The following NELL2 variants were observed in gnomAD, a reference collection of about 807,000 sequenced individuals.
NELL2 encodes neural EGFL like 2.
In NELL2, 41 loss-of-function variants were observed where a neutral mutation model predicts 109.6. That is an observed-to-expected ratio of 0.37 (90% CI 0.29 to 0.49). NELL2 has a LOEUF of 0.49. Among genes scored for constraint, NELL2 ranks in the 20% least tolerant of loss-of-function variants. The probability of loss-of-function intolerance (pLI) is 0.98; values close to 1 mark genes in which losing one functional copy is unlikely to be tolerated. For synonymous variants in NELL2, 355 were observed against 344.7 expected (o/e 1.03, Z -0.33); for missense variants, 900 against 1,008.3 (o/e 0.89, Z 1.45).
chr12:44,767,206 C>T (rs1005648781), intron 9 of NELL2, among the ~76,000 whole-genome samples: 3 of 152,208 alleles, frequency 2.0e-5, no homozygotes, highest in South Asian at 2.1e-4. Flanking sequence ...TATGAGTGCA[C>T]CAGACAACAT....
At chr12:44,556,330 A>C (rs929585578) in intron 15 of NELL2, among the ~76,000 whole-genome samples, 12 of 152,142 alleles carry the variant, frequency 7.9e-5, no homozygotes, top group Non-Finnish European at 1.8e-4. Flanking sequence ...TTGAAATCTT[A>C]AGTGGGAAAA....
intron 1 of NELL2, chr12:44,913,783 A>T: frequency 1.2e-6 from 1 of 830,248 alleles, no homozygotes; most frequent in South Asian, 1.7e-5. Flanking sequence ...AATTAAAATG[A>T]TAAGAAAGAA....
At chr12:44,670,462 CACCTATTAATAAAA>C (rs1566125920) in intron 12 of NELL2, among the ~76,000 whole-genome samples, 1 of 151,688 alleles carries the variant, frequency 6.6e-6, no homozygotes, top group African/African-American at 2.4e-5. Flanking sequence ...CAGAAATCCC[CACCTATTAATAAAA>C]ACCTTGAAAG....
chr12:44,753,324 A>C (rs1026948613), intron 9 of NELL2, among the ~76,000 whole-genome samples: 11 of 152,186 alleles, frequency 7.2e-5, no homozygotes, highest in African/African-American at 2.6e-4. Context: ...TTCATTCCCT[A>C]CCTTGTCCCT....
Position 44,836,232 on chromosome 12 carries a change from C to T in NELL2, c.185-20096G>A, listed in dbSNP as rs528685815. 3.3e-5 allele frequency among the ~76,000 whole-genome samples: 5 copies of T among 152,338 alleles called. No individual in the cohort carries two copies. In the East Asian group the frequency reaches 9.6e-4, roughly 29 times the overall value. ...AGCACGGGGCTTTTCTTAGGAACAC[C>T]AGGAACCAGTCATTAGCACAGTGAA... On this transcript the variant is annotated intron_variant, in intron 2 of 19. Coordinates refer to ENST00000429094, the MANE Select transcript of NELL2 (RefSeq NM_001145108.2).
intron 15 of NELL2, among the ~76,000 whole-genome samples, chr12:44,558,462 C>G (rs1253281279): frequency 6.6e-6 from 1 of 152,132 alleles, no homozygotes; most frequent in Non-Finnish European, 1.5e-5. Flanking sequence ...AGGTACCTGG[C>G]TCATGTTATT....
At chr12:44,791,083 A>ATATATATATATATATG (rs1942375338) in intron 3 of NELL2, among the ~76,000 whole-genome samples, 5 of 8,370 alleles carry the variant, frequency 6.0e-4, no homozygotes, top group African/African-American at 1.6e-3. Flanking sequence ...ATATATATAC[A>ATATATATATATATATG]TATATATATA....
intron 15 of NELL2, among the ~76,000 whole-genome samples, chr12:44,575,582 C>T (rs542492795): frequency 6.6e-6 from 1 of 152,326 alleles, no homozygotes; most frequent in South Asian, 2.1e-4. Context: ...CTGCATTTTG[C>T]TGGATTAATG....
At chr12:44,863,352 T>C (rs539811164) in intron 2 of NELL2, among the ~76,000 whole-genome samples, 168 of 152,300 alleles carry the variant, frequency 1.1e-3, no homozygotes, top group South Asian at 3.9e-3. Flanking sequence ...GACTATATCA[T>C]GACATATTAT....
At chr12:44,790,145 A>T (rs992006613) in intron 3 of NELL2, among the ~76,000 whole-genome samples, 1 of 152,186 alleles carries the variant, frequency 6.6e-6, no homozygotes, top group African/African-American at 2.4e-5. Flanking sequence ...AATTCATCAT[A>T]AAAAGATCAT....
chr12:44,791,071 A>ATATATATG (rs1942368868), intron 3 of NELL2, among the ~76,000 whole-genome samples: 1 of 10,466 alleles, frequency 9.6e-5, no homozygotes, highest in Non-Finnish European at 2.6e-4. Flanking sequence ...TCAAGTATAT[A>ATATATATG]TATATATATA....
chr12:44,880,378 C>A (rs1013848697), upstream of NELL2, among the ~76,000 whole-genome samples: 1 of 151,880 alleles, frequency 6.6e-6, no homozygotes, highest in Non-Finnish European at 1.5e-5. Context: ...AAACCATTAG[C>A]TCTAATAAGC....
At chr12:44,759,381 G>GC (rs1196417957) in intron 9 of NELL2, among the ~76,000 whole-genome samples, 2 of 152,130 alleles carry the variant, frequency 1.3e-5, no homozygotes, top group African/African-American at 4.8e-5. Flanking sequence ...GAGTAAAGAG[G>GC]CTTTGCAAGT....
chr12:44,894,043 A>G (rs1288429873), intron 1 of NELL2, among the ~76,000 whole-genome samples: 1 of 152,228 alleles, frequency 6.6e-6, no homozygotes, highest in Non-Finnish European at 1.5e-5. Flanking sequence ...TCTAACAGGA[A>G]AAAAATAGAG....
upstream of NELL2, chr12:44,880,741 T>C (rs1218366804): frequency 6.6e-6 from 1 of 152,054 alleles, no homozygotes; most frequent in Non-Finnish European, 1.5e-5. Context: ...ATAAAGTATT[T>C]GAGGACTCTG....
At chr12:44,821,458 T>C (rs1943540911) in intron 2 of NELL2, among the ~76,000 whole-genome samples, 1 of 152,158 alleles carries the variant, frequency 6.6e-6, no homozygotes, top group Non-Finnish European at 1.5e-5. Context: ...TAAGATAACA[T>C]TTTTAGTTCT....
At chr12:44,741,575 G>A (rs750380250) in intron 9 of NELL2, among the ~76,000 whole-genome samples, 1 of 152,198 alleles carries the variant, frequency 6.6e-6, no homozygotes, top group South Asian at 2.1e-4. Flanking sequence ...GGTGACAGAC[G>A]GCACCTGGAA....
chr12:44,625,455 C>G (rs539536570), intron 13 of NELL2, among the ~76,000 whole-genome samples: 1 of 152,242 alleles, frequency 6.6e-6, no homozygotes, highest in African/African-American at 2.4e-5. Flanking sequence ...AGGCCCCTAG[C>G]TCCCTACATC....
At chr12:44,521,517 G>GAGA (rs1941536459) in intron 18 of NELL2, among the ~76,000 whole-genome samples, 1 of 125,488 alleles carries the variant, frequency 8.0e-6, no homozygotes, top group Admixed American at 7.3e-5. Flanking sequence ...GCGACAGAGC[G>GAGA]AGACTCCGTC....
Sources: allele counts gnomAD v4.1 joint callset (sites outside exome capture counted in the v4.1 genomes callset), GRCh38; gene constraint gnomAD v4.1.1; transcripts MANE v1.5; gene names NCBI Gene and HGNC (gene_info 2026-07-23, HGNC 2026-07-21).